YTHDF3: variants seen among roughly 807,000 people sequenced by gnomAD.
The protein encoded by YTHDF3 is YTH N6-methyladenosine RNA binding protein F3, also known as YTH domain-containing family protein 3.
In YTHDF3, 9 loss-of-function variants were observed where a neutral mutation model predicts 52.5. That is an observed-to-expected ratio of 0.17 (90% CI 0.10 to 0.30). The LOEUF (loss-of-function observed/expected upper bound fraction) is 0.30, where lower values mean the gene tolerates loss of function less well. YTHDF3 is among the 10% of genes least tolerant of loss of function. The probability of loss-of-function intolerance (pLI) is 1.00; values close to 1 mark genes in which losing one functional copy is unlikely to be tolerated. For synonymous variants in YTHDF3, 274 were observed against 243.3 expected, an observed-to-expected ratio of 1.13 and a Z score of -1.18; for missense variants, 534 against 715.0, an observed-to-expected ratio of 0.75 and a Z score of 2.89.
At chr8:63,169,305 C>T in intron 1 of YTHDF3, 82 bp from the exon 2 acceptor site, 3 of 1,514,078 alleles carry the variant, frequency 2.0e-6, no homozygotes, top group Non-Finnish European at 2.7e-6. Context: ...AATAACTTGT[C>T]TTTGATAATG....
In YTHDF3 at chr8:63,168,883, A is replaced by G. The variant is rs1807071158; in HGVS notation, c.6A>G (p.Ser2=). 1 of 1,554,390 alleles carries G rather than the reference A, an allele frequency of 6.4e-7. No individual in the cohort carries two copies. The highest frequency in any genetic ancestry group is 8.7e-7 in the Non-Finnish European group (1 of 1,149,060). Residue 2 remains serine, a synonymous_variant, in exon 1 of 5, where the codon TCA becomes TCG. Coordinates refer to ENST00000539294, the MANE Select transcript of YTHDF3 (RefSeq NM_152758.6). Reference sequence around the variant, plus strand: ...CTCTCGGGTTGCGGTGAAGAATGTCAGCCACTAGCGTGGATCAGGTGAGGG... The same window carrying G: ...CTCTCGGGTTGCGGTGAAGAATGTCGGCCACTAGCGTGGATCAGGTGAGGG... M[S]ATSVDQRPKG...
intron 4 of YTHDF3, among the ~76,000 whole-genome samples, chr8:63,200,276 G>A (rs965604214): frequency 6.6e-6 from 1 of 152,164 alleles, no homozygotes; most frequent in African/African-American, 2.4e-5. Context: ...ATCAAAGTGA[G>A]CAAGCTGAGA....
chr8:63,181,332 C>CT (rs1808121345), intron 3 of YTHDF3, among the ~76,000 whole-genome samples: 2 of 152,254 alleles, frequency 1.3e-5, no homozygotes, highest in South Asian at 4.1e-4. Context: ...AATCCCAAGT[C>CT]TGATTGTGTC....
chr8:63,204,011 G>C (rs906350775), intron 4 of YTHDF3, among the ~76,000 whole-genome samples: 1 of 152,106 alleles, frequency 6.6e-6, no homozygotes, highest in African/African-American at 2.4e-5. Flanking sequence ...TGTGTACTCT[G>C]TTCCTAGAGG....
In YTHDF3 at chr8:63,210,528, A is replaced by G. The variant is rs551735688; in HGVS notation, c.*822A>G. 8 of 152,732 alleles carry G rather than the reference A, an allele frequency of 5.2e-5. No homozygotes were observed. Among genetic ancestry groups the G allele is most frequent in the Admixed American group, 2.0e-4 (3 of 15,304 alleles). The allele number at this position is 152,732 out of a possible 1,614,324, so 9.5% of individuals were successfully genotyped here. A position where few individuals can be genotyped will look rare whatever the true frequency, so the allele number is the denominator to read the frequency against. On this transcript the variant is annotated 3_prime_UTR_variant, in exon 5 of 5. Transcript: ENST00000539294. ...TTTATGACCTTTATAACTACATTTA[A>G]AACCCTTAATTCCTATTTCTGGGTG...
chr8:63,181,657 C>T (rs543494845), intron 3 of YTHDF3, among the ~76,000 whole-genome samples: 1 of 152,114 alleles, frequency 6.6e-6, no homozygotes, highest in Non-Finnish European at 1.5e-5. Flanking sequence ...GTTTTGCTTT[C>T]TTTGTAATTC....
At chr8:63,199,718 T>A (rs1245767251) in intron 4 of YTHDF3, among the ~76,000 whole-genome samples, 6 of 152,214 alleles carry the variant, frequency 3.9e-5, no homozygotes, top group Non-Finnish European at 8.8e-5. Context: ...TATTCTTCCA[T>A]AAGGGTCATT....
In YTHDF3 at chr8:63,210,394, A is replaced by G. The variant is rs1481110938; in HGVS notation, c.*688A>G. 6.6e-6 allele frequency: 1 copy of G among 152,518 alleles called. No individual in the cohort carries two copies. The highest frequency in any genetic ancestry group is 1.5e-5 in the Non-Finnish European group (1 of 67,984). 9.4% of individuals were successfully genotyped at this position (152,518 alleles called of 1,614,324 possible). ...CACATTCTTCTTCCCTCCTCCCCCC[A>G]TTAATATGTATACTGAAAAATGTGC... On this transcript the variant is annotated 3_prime_UTR_variant, in exon 5 of 5. Coordinates refer to ENST00000539294, the MANE Select transcript of YTHDF3 (RefSeq NM_152758.6).
Position 63,209,949 on chromosome 8 carries a change from T to G in YTHDF3, c.*243T>G. 2.3e-6 allele frequency: 1 copy of G among 426,576 alleles called. No homozygotes were observed. Among genetic ancestry groups the G allele is most frequent in the Non-Finnish European group, 4.2e-6 (1 of 240,134 alleles). 26.4% of individuals were successfully genotyped at this position (426,576 alleles called of 1,614,324 possible). On this transcript the variant is annotated 3_prime_UTR_variant, in exon 5 of 5. Transcript: ENST00000539294. ...CTTTCTGTCCTGAAGCTTTTACCAG[T>G]ATCTGCTGTCTTTTGTAATTATGCA...
Position 63,168,865 on chromosome 8 carries a change from G to T in YTHDF3, c.-13G>T, listed in dbSNP as rs749631316. The stretch of plus-strand genomic sequence containing the variant: ...CAGCGGCGGCGGCGGCGGCTCTCGG[G>T]TTGCGGTGAAGAATGTCAGCCACTA... On this transcript the variant is annotated 5_prime_UTR_variant, in exon 1 of 5. Transcript: ENST00000539294. The T allele has an allele frequency of 6.4e-6, 10 of 1,554,730 alleles. No homozygotes were observed. In the South Asian group the frequency reaches 7.1e-5, roughly 11 times the overall value.
At chr8:63,184,152 A>G (rs917339282) in intron 3 of YTHDF3, among the ~76,000 whole-genome samples, 2 of 152,224 alleles carry the variant, frequency 1.3e-5, no homozygotes, top group African/African-American at 4.8e-5. Flanking sequence ...TGAAGGACTG[A>G]TTGTGTTGGA....
At position 63,205,277 on chromosome 8, in the gene YTHDF3, G is replaced by A. The variant is rs116629981; in HGVS notation, c.1735-4406G>A. On this transcript the variant is annotated intron_variant, in intron 4 of 4. Coordinates refer to ENST00000539294, the MANE Select transcript of YTHDF3 (RefSeq NM_152758.6). ...CCTTCTCCGGGTGTATGGGATCATG[G>A]CTATTTTTGTGTAATTCAGGTTTCC... 4.0e-3 allele frequency among the ~76,000 whole-genome samples: 614 copies of A among 152,138 alleles called. 7 individuals carry two copies. The highest frequency in any genetic ancestry group is 0.014 in the African/African-American group (595 of 41,506).
intron 3 of YTHDF3, among the ~76,000 whole-genome samples, chr8:63,183,759 C>T (rs1585754407): frequency 2.6e-5 from 4 of 152,140 alleles, no homozygotes; most frequent in South Asian, 2.1e-4. Flanking sequence ...GTCAGCCCTC[C>T]GTATCTGCAG....
At chr8:63,174,536 C>G (rs1807559496) in intron 2 of YTHDF3, among the ~76,000 whole-genome samples, 1 of 152,212 alleles carries the variant, frequency 6.6e-6, no homozygotes, top group South Asian at 2.1e-4. Flanking sequence ...ACTTGAGATT[C>G]AAATTCGGGA....
chr8:63,198,112 T>TA (rs1809355996), intron 4 of YTHDF3, among the ~76,000 whole-genome samples: 1 of 152,252 alleles, frequency 6.6e-6, no homozygotes, highest in South Asian at 2.1e-4. Context: ...CCCTGCCGTT[T>TA]ATGCAGAAAT....
At position 63,183,568 on chromosome 8, in the gene YTHDF3, A is replaced by G. The variant is rs554170375; in HGVS notation, c.136-2579A>G. Among the ~76,000 whole-genome samples the G allele has an allele frequency of 9.8e-5, 15 of 152,292 alleles. No individual in the cohort carries two copies. In the South Asian group the frequency reaches 3.1e-3, roughly 32 times the overall value. ...TTTAAATATAGCAGTCAGTACTTCC[A>G]GTATTGATTTATGTAAGATGCTACT... is the stretch of plus-strand genomic sequence containing the variant. On this transcript the variant is annotated intron_variant, in intron 3 of 4. Transcript: ENST00000539294.
chr8:63,176,294 A>G (rs1807686724), intron 3 of YTHDF3, among the ~76,000 whole-genome samples: 1 of 152,142 alleles, frequency 6.6e-6, no homozygotes, highest in African/African-American at 2.4e-5. Flanking sequence ...TTATTTATTT[A>G]TTTTTGAGAC....
In YTHDF3 at chr8:63,169,423, T is replaced by TG. The variant is rs1230683066; in HGVS notation, c.49+12_49+13insG. 1 of 1,145,894 alleles carries TG rather than the reference T, an allele frequency of 8.7e-7. No homozygotes were observed. The highest frequency in any genetic ancestry group is 3.3e-5 in the East Asian group (1 of 30,530). The allele number at this position is 1,145,894 out of a possible 1,614,324, so 71.0% of individuals were successfully genotyped here. A position where few individuals can be genotyped will look rare whatever the true frequency, so the allele number is the denominator to read the frequency against. ...GCAAGGAAATAAAGGTGAGTTTGGA[T>TG]TTTTTTTTTTCTTATTGCTCAATGT... On this transcript the variant is annotated intron_variant, in intron 2 of 4. Transcript: ENST00000539294.
chr8:63,199,185 A>G (rs1043639216), intron 4 of YTHDF3, among the ~76,000 whole-genome samples: 4 of 152,150 alleles, frequency 2.6e-5, no homozygotes, highest in Non-Finnish European at 5.9e-5. Context: ...AATGCTGATA[A>G]CTTTATCAAG....
Sources: allele counts gnomAD v4.1 joint callset (sites outside exome capture counted in the v4.1 genomes callset), GRCh38; gene constraint gnomAD v4.1.1; transcripts MANE v1.5; gene names NCBI Gene and HGNC (gene_info 2026-07-23, HGNC 2026-07-21).